Variants in TIPIN observed in about 807,000 individuals in gnomAD.
TIPIN encodes the protein TIMELESS interacting protein.
A neutral mutation model predicts 35.6 loss-of-function variants in TIPIN; 29 were observed. The ratio of observed to expected loss-of-function variants is 0.82; its 90% CI spans 0.61 to 1.11. The LOEUF is 1.11. Among genes scored for constraint, TIPIN ranks in the 50% most tolerant of loss-of-function variants. The pLI is 0.00. For missense variants in TIPIN, 296 were observed against 345.4 expected (o/e 0.86, Z 1.13); for synonymous variants, 102 against 121.5 (o/e 0.84, Z 1.06).
intron 1 of TIPIN, chr15:66,379,905 A>T (rs2073124274): frequency 6.5e-7 from 1 of 1,531,518 alleles, no homozygotes; most frequent in South Asian, 1.1e-5. Flanking sequence ...ATTAATGAGA[A>T]TGGTCTTCAC....
At chr15:66,344,802 G>A (rs1265415717) in intron 6 of TIPIN, among the ~76,000 whole-genome samples, 1 of 152,092 alleles carries the variant, frequency 6.6e-6, no homozygotes, top group African/African-American at 2.4e-5. Context: ...CCTGGAGGTC[G>A]AGGCTGCAGA....
intron 1 of TIPIN, among the ~76,000 whole-genome samples, chr15:66,385,119 C>T (rs139892961): frequency 5.8e-4 from 88 of 152,328 alleles, no homozygotes; most frequent in Admixed American, 9.1e-4. Context: ...TGCAACTAAC[C>T]TCCCATCTAA....
At chr15:66,363,034 C>T (rs919014254) in intron 1 of TIPIN, among the ~76,000 whole-genome samples, 1 of 152,136 alleles carries the variant, frequency 6.6e-6, no homozygotes, top group Non-Finnish European at 1.5e-5. Flanking sequence ...GTTGGGCAGG[C>T]CAGAGAGTTA....
chr15:66,377,062 C>T (rs370601846), intron 1 of TIPIN, among the ~76,000 whole-genome samples: 7 of 136,268 alleles, frequency 5.1e-5, no homozygotes, highest in Admixed American at 2.5e-4. Flanking sequence ...GAGCCGAGAC[C>T]AGGCTACTGC....
intron 1 of TIPIN, among the ~76,000 whole-genome samples, chr15:66,355,300 TG>T (rs1411286421): frequency 6.6e-6 from 1 of 151,412 alleles, no homozygotes; most frequent in East Asian, 2.0e-4. Flanking sequence ...CCTAAAATGC[TG>T]GGATTACAGG....
chr15:66,357,096 T>C (rs2140473488), upstream of TIPIN, among the ~76,000 whole-genome samples: 1 of 152,140 alleles, frequency 6.6e-6, no homozygotes, highest in Admixed American at 6.6e-5. Flanking sequence ...TTTTGTTTGT[T>C]TGTTTGTTTG....
chr15:66,358,212 A>G (rs1028575819), upstream of TIPIN, among the ~76,000 whole-genome samples: 1 of 152,244 alleles, frequency 6.6e-6, no homozygotes. Context: ...AGAAAAATAT[A>G]TAACTAGAAC....
At chr15:66,360,095 AGAG>A (rs2093224564), upstream of TIPIN, among the ~76,000 whole-genome samples, 1 of 152,142 alleles carries the variant, frequency 6.6e-6, no homozygotes, top group South Asian at 2.1e-4. Flanking sequence ...AGGGTTGTAA[AGAG>A]GAGTAAAAAA....
chr15:66,348,034 G>A (rs1485042282), intron 6 of TIPIN, among the ~76,000 whole-genome samples: 1 of 121,698 alleles, frequency 8.2e-6, no homozygotes, highest in Non-Finnish European at 1.7e-5. Flanking sequence ...TCCAGACAAG[G>A]TCTCTCACCC....
chr15:66,361,098 A>G (rs1448876127), upstream of TIPIN, among the ~76,000 whole-genome samples: 7 of 151,002 alleles, frequency 4.6e-5, no homozygotes, highest in East Asian at 1.4e-3. Flanking sequence ...GTGCCACTGC[A>G]TTTCAGCCCG....
intron 1 of TIPIN, chr15:66,379,760 T>C: frequency 6.2e-7 from 1 of 1,605,714 alleles, no homozygotes; most frequent in Middle Eastern, 2.2e-4. Flanking sequence ...GAGCCTCTTT[T>C]TTTTTCTTTC....
chr15:66,363,881 G>T (rs1461081506), intron 1 of TIPIN, among the ~76,000 whole-genome samples: 2 of 147,832 alleles, frequency 1.4e-5, no homozygotes, highest in African/African-American at 2.5e-5. Flanking sequence ...ACTCGGAGAG[G>T]CTGAGGCAGG....
At chr15:66,377,947 G>A (rs1409994983) in intron 1 of TIPIN, among the ~76,000 whole-genome samples, 1 of 152,054 alleles carries the variant, frequency 6.6e-6, no homozygotes, top group East Asian at 1.9e-4. Flanking sequence ...CTGGGTTCAA[G>A]CAATTCTCTT....
At chr15:66,373,466 C>A (rs1451105373) in intron 1 of TIPIN, among the ~76,000 whole-genome samples, 1 of 148,318 alleles carries the variant, frequency 6.7e-6, no homozygotes, top group Non-Finnish European at 1.5e-5. Context: ...GCACTCCAGC[C>A]TGGGCGACAG....
intron 1 of TIPIN, among the ~76,000 whole-genome samples, chr15:66,380,758 T>G (rs141682871): frequency 0.014 from 2,065 of 152,138 alleles, 18 homozygotes; most frequent in Non-Finnish European, 0.019. Context: ...TAGGTTGCAG[T>G]GAGCCCCAAT....
rs2093238480 is a variant in TIPIN, at chr15:66,363,155, G to T, written c.-8-10200C>A. Among the ~76,000 whole-genome samples, 4 of 152,046 alleles carry T rather than the reference G, an allele frequency of 2.6e-5. 1 individual carries two copies. In the South Asian group the frequency reaches 8.3e-4, roughly 32 times the overall value. The stretch of plus-strand genomic sequence containing the variant: ...CACTTTGGGAATCTGAAGCAAAAGG[G>T]TCTCCTGAGGCCAGGAGTTCAAGAC... On this transcript the variant is annotated intron_variant, in intron 1 of 7. Coordinates refer to the TIPIN transcript ENST00000562124.
intron 1 of TIPIN, among the ~76,000 whole-genome samples, chr15:66,375,009 C>T (rs983973168): frequency 2.0e-5 from 3 of 152,176 alleles, no homozygotes; most frequent in Non-Finnish European, 1.5e-5. Context: ...CTGTGTCTGG[C>T]TTTGCCCATT....
rs2093148665 is a variant in TIPIN at position 66,349,051 on chromosome 15, T to C, written c.475+9A>G. 6 of 1,603,766 alleles carry C rather than the reference T, an allele frequency of 3.7e-6. No individual in the cohort carries two copies. Among genetic ancestry groups the C allele is most frequent in the Non-Finnish European group, 5.1e-6 (6 of 1,172,856 alleles). ...AATTGTTATAAAGTAGATAAACCTA[T>C]ATTCTTACCATTATTGCTAACAAAA... On this transcript the variant is annotated intron_variant, in intron 6 of 7. Coordinates refer to ENST00000261881, the MANE Select transcript of TIPIN (RefSeq NM_017858.3).
chr15:66,361,035 C>T (rs563252499), upstream of TIPIN, among the ~76,000 whole-genome samples: 35 of 115,628 alleles, frequency 3.0e-4, no homozygotes, highest in African/African-American at 1.1e-3. Flanking sequence ...GGAAGGCTGA[C>T]GAATGAGGAT....
Sources: allele counts gnomAD v4.1 joint callset (sites outside exome capture counted in the v4.1 genomes callset), GRCh38; gene constraint gnomAD v4.1.1; transcripts MANE v1.5; gene names NCBI Gene and HGNC (gene_info 2026-07-23, HGNC 2026-07-21).